CEP85L: variants seen among roughly 807,000 people sequenced by gnomAD.
CEP85L encodes the protein centrosomal protein 85L, also known as centrosomal protein of 85 kDa-like.
A neutral mutation model predicts 100.3 loss-of-function variants in CEP85L; 60 were observed. The observed-to-expected ratio is 0.60, with a 90% confidence interval of 0.49 to 0.74. The LOEUF (loss-of-function observed/expected upper bound fraction) is 0.74. CEP85L is among the 30% of genes least tolerant of loss of function. CEP85L has a pLI of 0.00. For synonymous variants in CEP85L, 319 were observed against 322.7 expected, an observed-to-expected ratio of 0.99 and a Z score of 0.12; for missense variants, 973 against 936.2, an observed-to-expected ratio of 1.04 and a Z score of -0.51.
intron 3 of CEP85L, among the ~76,000 whole-genome samples, chr6:118,538,952 G>T (rs1161977398): frequency 6.6e-6 from 1 of 151,914 alleles, no homozygotes; most frequent in Non-Finnish European, 1.5e-5. Context: ...TATGAAACAG[G>T]TATCTATGAA....
At chr6:118,617,591 G>A (rs1432798471) in intron 2 of CEP85L, among the ~76,000 whole-genome samples, 3 of 152,108 alleles carry the variant, frequency 2.0e-5, no homozygotes, top group Non-Finnish European at 4.4e-5. Context: ...CATATCTCCC[G>A]CCTTAAAGAG....
chr6:118,628,214 G>C (rs1190181921), intron 2 of CEP85L, among the ~76,000 whole-genome samples: 1 of 152,118 alleles, frequency 6.6e-6, no homozygotes, highest in African/African-American at 2.4e-5. Flanking sequence ...CAAGCTTCAG[G>C]ACTAGACTCA....
At chr6:118,520,191 G>T (rs1185285562) in intron 4 of CEP85L, among the ~76,000 whole-genome samples, 2 of 152,130 alleles carry the variant, frequency 1.3e-5, no homozygotes, top group Non-Finnish European at 2.9e-5. Context: ...TCACTGTATT[G>T]GAGGCTCTAT....
At chr6:118,489,277 A>AC (rs1774394680) in intron 6 of CEP85L, among the ~76,000 whole-genome samples, 1 of 151,824 alleles carries the variant, frequency 6.6e-6, no homozygotes, top group Non-Finnish European at 1.5e-5. Context: ...GTCTCAAAAA[A>AC]AAAAAAAAAA....
At chr6:118,479,948 C>A in intron 9 of CEP85L, 27 bp from the exon 10 acceptor site, 1 of 1,207,040 alleles carries the variant, frequency 8.3e-7, no homozygotes, top group Non-Finnish European at 1.2e-6. Flanking sequence ...ACATCTGATT[C>A]AAATAATTTT....
At chr6:118,603,763 G>A (rs1381136469) in intron 2 of CEP85L, among the ~76,000 whole-genome samples, 1 of 152,164 alleles carries the variant, frequency 6.6e-6, no homozygotes, top group Non-Finnish European at 1.5e-5. Flanking sequence ...TTATTCTGAT[G>A]TCATAATCTC....
intron 5 of CEP85L, chr6:118,502,508 G>C: frequency 2.0e-6 from 1 of 506,216 alleles, no homozygotes; most frequent in Non-Finnish European, 3.8e-6. Context: ...CACAAGTAGA[G>C]CCAGCAGGAC....
At chr6:118,540,742 C>A (rs557937431) in intron 3 of CEP85L, among the ~76,000 whole-genome samples, 1 of 149,704 alleles carries the variant, frequency 6.7e-6, no homozygotes. Context: ...GGCAACAGAG[C>A]GAGACCCCAT....
Position 118,681,865 on chromosome 6 carries a change from C to G in CEP85L, c.-28+28171G>C, listed in dbSNP as rs2638543. 4.0e-5 allele frequency among the ~76,000 whole-genome samples: 6 copies of G among 151,750 alleles called. No individual in the cohort carries two copies. In the East Asian group the frequency reaches 1.2e-3, roughly 29 times the overall value. On this transcript the variant is annotated intron_variant, in intron 1 of 13. Transcript: ENST00000368488. ...AAGTGATTCTCCTGCCTCAGCCTCC[C>G]GAGTAGCTGGAATTACAGGCATGCC...
chr6:118,489,594 C>T (rs906237918), intron 6 of CEP85L, among the ~76,000 whole-genome samples: 1 of 152,000 alleles, frequency 6.6e-6, no homozygotes, highest in African/African-American at 2.4e-5. Context: ...AAATCAAAAC[C>T]ATCTCGTGCC....
chr6:118,553,346 C>T (rs368259312), intron 3 of CEP85L, among the ~76,000 whole-genome samples: 20 of 152,156 alleles, frequency 1.3e-4, no homozygotes, highest in African/African-American at 4.6e-4. Context: ...TAGGATTCTG[C>T]TGTTCCCACA....
intron 3 of CEP85L, among the ~76,000 whole-genome samples, chr6:118,553,616 G>C (rs989049255): frequency 3.9e-5 from 6 of 152,116 alleles, no homozygotes; most frequent in Non-Finnish European, 8.8e-5. Context: ...TTCTAAATCT[G>C]ACAAGAAACA....
In CEP85L at chr6:118,506,349, T is replaced by G. The variant is rs537620572; in HGVS notation, c.1257+4949A>C. 8.5e-5 allele frequency among the ~76,000 whole-genome samples: 13 copies of G among 152,240 alleles called. No individual in the cohort carries two copies. The East Asian group carries it at 2.5e-3, about 29-fold the overall frequency. Reference sequence around the variant, plus strand: ...AGGTCTGGTGAGTGTTCAGATGATATAGGTGGACTCTGTGATATAGGGCTT... The same window carrying G: ...AGGTCTGGTGAGTGTTCAGATGATAGAGGTGGACTCTGTGATATAGGGCTT... On this transcript the variant is annotated intron_variant, in intron 5 of 12. Coordinates refer to ENST00000368491, the MANE Select transcript of CEP85L (RefSeq NM_001042475.3).
intron 1 of CEP85L, among the ~76,000 whole-genome samples, chr6:118,642,963 GT>G (rs1169889142): frequency 2.0e-5 from 3 of 152,130 alleles, no homozygotes; most frequent in Non-Finnish European, 2.9e-5. Context: ...TTAGTTTTTG[GT>G]AAGTCCTTGT....
chr6:118,614,702 G>A (rs1367580096), intron 2 of CEP85L, among the ~76,000 whole-genome samples: 1 of 152,154 alleles, frequency 6.6e-6, no homozygotes, highest in African/African-American at 2.4e-5. Flanking sequence ...AAATTAGCTG[G>A]TGGTGGCACA....
chr6:118,624,784 G>C (rs76061546), intron 2 of CEP85L, among the ~76,000 whole-genome samples: 2,440 of 152,302 alleles, frequency 0.016, 30 homozygotes, highest in Middle Eastern at 0.037. Flanking sequence ...ACTGATGAGA[G>C]AGGTGTCCAG....
chr6:118,660,285 G>A (rs948496618), intron 1 of CEP85L, among the ~76,000 whole-genome samples: 1 of 152,240 alleles, frequency 6.6e-6, no homozygotes, highest in Non-Finnish European at 1.5e-5. Context: ...TTCTGCTGAG[G>A]TGGCTGCCAG....
At chr6:118,532,360 G>C (rs1325667959) in intron 3 of CEP85L, among the ~76,000 whole-genome samples, 1 of 152,028 alleles carries the variant, frequency 6.6e-6, no homozygotes, top group East Asian at 1.9e-4. Flanking sequence ...ACTTGATGAG[G>C]GGGGCGGGTG....
intron 3 of CEP85L, among the ~76,000 whole-genome samples, chr6:118,556,683 A>G (rs1778897584): frequency 1.3e-5 from 2 of 152,202 alleles, no homozygotes; most frequent in African/African-American, 2.4e-5. Context: ...CACCTGGGGT[A>G]AGGTAGTAAT....
Sources: allele counts gnomAD v4.1 joint callset (sites outside exome capture counted in the v4.1 genomes callset), GRCh38; gene constraint gnomAD v4.1.1; transcripts MANE v1.5; gene names NCBI Gene and HGNC (gene_info 2026-07-23, HGNC 2026-07-21).